PTPRZ1: variants seen among roughly 807,000 people sequenced by gnomAD.
PTPRZ1 encodes receptor-type tyrosine-protein phosphatase zeta.
Under a neutral mutation model 214.1 loss-of-function variants are expected in PTPRZ1, and 82 were observed. The ratio of observed to expected loss-of-function variants is 0.38; its 90% CI spans 0.32 to 0.46. PTPRZ1 has a LOEUF of 0.46. PTPRZ1 is among the 20% of genes least tolerant of loss of function. PTPRZ1 has a pLI of 1.00. For synonymous variants in PTPRZ1, 945 were observed against 987.9 expected (o/e 0.96, Z 0.81); for missense variants, 2,603 against 2,748.7 (o/e 0.95, Z 1.19).
At chr7:121,951,430 G>A (rs555531681) in intron 2 of PTPRZ1, among the ~76,000 whole-genome samples, 2 of 152,322 alleles carry the variant, frequency 1.3e-5, no homozygotes, top group South Asian at 2.1e-4. Flanking sequence ...ACTCTGATGT[G>A]AACACCTTTC....
chr7:121,983,456 G>A (rs1480274589), intron 6 of PTPRZ1, among the ~76,000 whole-genome samples: 1 of 152,176 alleles, frequency 6.6e-6, no homozygotes, highest in Non-Finnish European at 1.5e-5. Flanking sequence ...TTGATGTAAA[G>A]ATAAGTCATC....
At chr7:122,035,453 A>G (rs983127710) in intron 17 of PTPRZ1, among the ~76,000 whole-genome samples, 1 of 152,216 alleles carries the variant, frequency 6.6e-6, no homozygotes, top group African/African-American at 2.4e-5. Context: ...GGTAATTAAG[A>G]AGGAGACAGA....
intron 1 of PTPRZ1, among the ~76,000 whole-genome samples, chr7:121,916,030 C>G (rs551575097): frequency 9.2e-5 from 14 of 152,216 alleles, no homozygotes; most frequent in African/African-American, 3.1e-4. Flanking sequence ...AATCCCAGCA[C>G]TTTGGGAGGC....
intron 1 of PTPRZ1, among the ~76,000 whole-genome samples, chr7:121,884,261 T>G (rs1026101241): frequency 3.9e-5 from 6 of 152,100 alleles, no homozygotes; most frequent in African/African-American, 1.2e-4. Flanking sequence ...ATAAATACAT[T>G]TATATAAGTA....
intron 13 of PTPRZ1, among the ~76,000 whole-genome samples, chr7:122,023,588 ATATT>A (rs1472787761): frequency 1.5e-3 from 197 of 133,068 alleles, no homozygotes; most frequent in Non-Finnish European, 2.6e-3. Context: ...ATAATTATAT[ATATT>A]ATATGTATAA....
chr7:122,011,992 A>G lies in PTPRZ1; in HGVS notation c.2946A>G (p.Ser982=), dbSNP rs762083490. 3.8e-5 allele frequency: 61 copies of G among 1,614,070 alleles called. No individual in the cohort carries two copies. The highest frequency in any genetic ancestry group is 4.7e-5 in the Non-Finnish European group (56 of 1,180,006). The stretch of plus-strand genomic sequence containing the variant: ...CTTCGTTAATAACCCCAACTGCATC[A>G]TTACTGCAGCCTACTCATGCCCTCT... ...PKSSLITPTA[S]LLQPTHALSG... The change falls in exon 12 of 30, where the codon TCA becomes TCG. Residue 982 remains serine, a synonymous_variant. Transcript: ENST00000393386.
At chr7:122,060,490 A>C (rs1244047076) in intron 29 of PTPRZ1, among the ~76,000 whole-genome samples, 1 of 152,214 alleles carries the variant, frequency 6.6e-6, no homozygotes, top group Non-Finnish European at 1.5e-5. Flanking sequence ...CATCTGTAAG[A>C]GAAAAACTGT....
rs144852031 is a variant in PTPRZ1 at position 121,945,505 on chromosome 7, A to G, written c.124+17284A>G. Among the ~76,000 whole-genome samples the G allele has an allele frequency of 2.2e-4, 33 of 151,970 alleles. 1 individual carries two copies. Among genetic ancestry groups the G allele is most frequent in the African/African-American group, 7.7e-4 (32 of 41,466 alleles). On this transcript the variant is annotated intron_variant, in intron 2 of 29. Coordinates refer to ENST00000393386, the MANE Select transcript of PTPRZ1 (RefSeq NM_002851.3). ...GTAAGTTTTGCAAATTCATTTTTTT[A>G]TTTTTCATTTCCTCAGACTCAATAT... is the stretch of plus-strand genomic sequence containing the variant.
chr7:121,894,310 T>C lies in PTPRZ1; in HGVS notation c.58+20753T>C, dbSNP rs116560750. On this transcript the variant is annotated intron_variant, in intron 1 of 29. Transcript: ENST00000393386. ...AACTAATACATTAGTTGACATTTAT[T>C]TGATGAATAATATGGTTGAACATTT... is the stretch of plus-strand genomic sequence containing the variant. Among the ~76,000 whole-genome samples, 282 of 152,356 alleles carry C rather than the reference T, an allele frequency of 1.9e-3. 1 individual carries two copies. The highest frequency in any genetic ancestry group is 6.3e-3 in the African/African-American group (263 of 41,584).
chr7:121,945,887 A>G (rs551540930), intron 2 of PTPRZ1, among the ~76,000 whole-genome samples: 2 of 152,274 alleles, frequency 1.3e-5, no homozygotes, highest in South Asian at 4.1e-4. Flanking sequence ...AATTTTCTCA[A>G]AAGTTTGTAA....
At chr7:121,957,366 G>A (rs1336588241) in intron 2 of PTPRZ1, among the ~76,000 whole-genome samples, 1 of 152,154 alleles carries the variant, frequency 6.6e-6, no homozygotes, top group Non-Finnish European at 1.5e-5. Context: ...GTGGGATGCA[G>A]CTGGGCACGG....
intron 23 of PTPRZ1, among the ~76,000 whole-genome samples, chr7:122,045,583 G>C (rs1343803716): frequency 6.6e-6 from 1 of 151,866 alleles, no homozygotes; most frequent in Non-Finnish European, 1.5e-5. Context: ...AGTCATAAAG[G>C]AATGCCTTAG....
Position 122,050,364 on chromosome 7 carries a change from G to A in PTPRZ1, c.6085-1064G>A, listed in dbSNP as rs1792134225. On this transcript the variant is annotated intron_variant, in intron 23 of 29. Coordinates refer to ENST00000393386, the MANE Select transcript of PTPRZ1 (RefSeq NM_002851.3). ...AGGCTGAGGCAGGAGGAACTCATGA[G>A]CACAGGAGATTGAAGCTGCATGCAC... is the stretch of plus-strand genomic sequence containing the variant. Among the ~76,000 whole-genome samples the A allele has an allele frequency of 4.7e-5, 7 of 147,954 alleles. No homozygotes were observed. The South Asian group carries it at 1.5e-3, about 32-fold the overall frequency.
At chr7:121,937,762 A>G (rs1457229144) in intron 2 of PTPRZ1, among the ~76,000 whole-genome samples, 3 of 152,174 alleles carry the variant, frequency 2.0e-5, no homozygotes, top group African/African-American at 4.8e-5. Context: ...TTAGTAGAAT[A>G]ACTTCTGATG....
chr7:122,057,981 TATATATATAC>T (rs1792422009), intron 27 of PTPRZ1, among the ~76,000 whole-genome samples: 1 of 150,972 alleles, frequency 6.6e-6, no homozygotes, highest in Non-Finnish European at 1.5e-5. Context: ...TATATATACA[TATATATATAC>T]ATATATATAT....
chr7:121,969,493 C>T (rs1010603740), intron 3 of PTPRZ1, among the ~76,000 whole-genome samples: 2 of 146,010 alleles, frequency 1.4e-5, no homozygotes, highest in African/African-American at 2.6e-5. Context: ...ACCCAGGAGT[C>T]GGAGGTTGAG....
intron 1 of PTPRZ1, among the ~76,000 whole-genome samples, chr7:121,892,828 T>C (rs1035706447): frequency 2.0e-5 from 3 of 150,992 alleles, no homozygotes; most frequent in Admixed American, 6.6e-5. Context: ...ATATCAAGAC[T>C]TAGCAATATG....
chr7:122,042,828 A>G, intron 22 of PTPRZ1, 85 bp downstream of exon 22: 1 of 1,390,308 alleles, frequency 7.2e-7, no homozygotes, highest in Non-Finnish European at 1.0e-6. Context: ...CTAGGACTGC[A>G]AAACAAAGTA....
In PTPRZ1 at chr7:122,012,720, T is replaced by G. The variant is rs146035404; in HGVS notation, c.3674T>G (p.Ile1225Ser). Residue 1225 changes from isoleucine to serine, a missense_variant, in exon 12 of 30, where the codon ATT (isoleucine) becomes AGT (serine). By Grantham distance (142) the Ile-to-Ser change is moderately radical. Around this residue, in one of 6 missense-constraint regions of PTPRZ1, gnomAD observed 1,913 missense variants for 1,914.3 expected, o/e 1.00. Coordinates refer to ENST00000393386, the MANE Select transcript of PTPRZ1 (RefSeq NM_002851.3). Reference sequence around the variant, plus strand: ...ATTAGTTCTACAATGTTGCATCTCATTGTATCAAATTCTGCTTCAAGTGAA... The same window carrying G: ...ATTAGTTCTACAATGTTGCATCTCAGTGTATCAAATTCTGCTTCAAGTGAA... ...DKISSTMLHL[I>S]VSNSASSENM... 1.8e-5 allele frequency: 29 copies of G among 1,608,520 alleles called. No individual in the cohort carries two copies. Among genetic ancestry groups the G allele is most frequent in the Admixed American group, 1.0e-4 (6 of 59,998 alleles).
Sources: allele counts gnomAD v4.1 joint callset (sites outside exome capture counted in the v4.1 genomes callset), GRCh38; gene constraint gnomAD v4.1.1; regional missense constraint gnomAD v4.1.1; transcripts MANE v1.5; gene names NCBI Gene and HGNC (gene_info 2026-07-23, HGNC 2026-07-21).